The following RASAL2 variants were observed in gnomAD, a reference collection of about 807,000 sequenced individuals.
RASAL2 encodes the protein RAS protein activator like 2.
Under a neutral mutation model 128.9 loss-of-function variants are expected in RASAL2, and 58 were observed. The observed-to-expected ratio is 0.45, with a 90% CI of 0.36 to 0.56. The LOEUF is 0.56. Among genes scored for constraint, RASAL2 ranks in the 20% least tolerant of loss-of-function variants. The pLI is 0.00. For synonymous variants in RASAL2, 561 were observed against 580.8 expected, an observed-to-expected ratio of 0.97 and a Z score of 0.49; for missense variants, 1,360 against 1,601.6, an observed-to-expected ratio of 0.85 and a Z score of 2.57.
At chr1:178,142,069 C>T (rs1660552814) in intron 1 of RASAL2, among the ~76,000 whole-genome samples, 1 of 152,060 alleles carries the variant, frequency 6.6e-6, no homozygotes, top group African/African-American at 2.4e-5. Context: ...AAGGGAGGGC[C>T]ACGAGGATCT....
chr1:178,143,843 G>A (rs1172753309), intron 1 of RASAL2, among the ~76,000 whole-genome samples: 1 of 151,498 alleles, frequency 6.6e-6, no homozygotes, highest in Non-Finnish European at 1.5e-5. Flanking sequence ...AACCTGAAAT[G>A]GAGGCAGTCA....
intron 1 of RASAL2, among the ~76,000 whole-genome samples, chr1:178,151,302 G>C (rs1258242463): frequency 1.3e-5 from 2 of 152,108 alleles, no homozygotes; most frequent in African/African-American, 4.8e-5. Context: ...GCTACTCAGA[G>C]ACTGAGTCAG....
chr1:178,406,204 G>A (rs564766580), intron 4 of RASAL2, among the ~76,000 whole-genome samples: 5 of 152,142 alleles, frequency 3.3e-5, no homozygotes, highest in Admixed American at 1.3e-4. Context: ...TAACTCGAAC[G>A]TCCATGAGTT....
Position 178,458,294 on chromosome 1 carries a change from C to T in RASAL2, c.3002C>T (p.Pro1001Leu). The change falls in exon 14 of 18, where the codon CCA becomes CTA. Residue 1001 changes from proline (P) to leucine (L), a missense_variant. Transcript: ENST00000367649. ...GATAGACACATACCTCTTGCTTTGC[C>T]ACGACAAAATAGTACTGGGCAGGCC... is the stretch of plus-strand genomic sequence containing the variant. ...VPDRHIPLAL[P>L]RQNSTGQAQI... 1 of 1,614,228 alleles carries T rather than the reference C, an allele frequency of 6.2e-7. No individual in the cohort carries two copies. Among genetic ancestry groups the T allele is most frequent in the South Asian group, 1.1e-5 (1 of 91,080 alleles).
chr1:178,113,274 A>G (rs901169235), intron 1 of RASAL2, among the ~76,000 whole-genome samples: 2 of 149,014 alleles, frequency 1.3e-5, no homozygotes, highest in Non-Finnish European at 3.0e-5. Flanking sequence ...GAGATATACA[A>G]CCCTGACTTT....
At chr1:178,254,622 A>C (rs1665231864) in intron 1 of RASAL2, among the ~76,000 whole-genome samples, 1 of 152,210 alleles carries the variant, frequency 6.6e-6, no homozygotes, top group African/African-American at 2.4e-5. Context: ...GAGCTCACTG[A>C]GACTGTTGCA....
At chr1:178,128,822 G>A (rs1355401417) in intron 1 of RASAL2, among the ~76,000 whole-genome samples, 1 of 151,924 alleles carries the variant, frequency 6.6e-6, no homozygotes, top group African/African-American at 2.4e-5. Context: ...TCACCATGGT[G>A]TTTTCAGGGT....
In RASAL2 at chr1:178,458,506, C is replaced by A. The variant is rs1365005544; in HGVS notation, c.3214C>A (p.Pro1072Thr). ...CTCTTCCTCCAGAGAGAGCCCTGTT[C>A]CCAAAGTTAGAGCAATCCAGAGACA... is the stretch of plus-strand genomic sequence containing the variant. ...QSSSSRESPV[P>T]KVRAIQRQQT... The change falls in exon 14 of 18, where the codon CCC becomes ACC. Residue 1072 changes from proline (P) to threonine (T), a missense_variant. Pro to Thr is a conservative substitution (Grantham distance 38, BLOSUM62 -1). This residue lies in a region of RASAL2 where 741 missense variants were observed against 868.6 expected (regional missense o/e 0.85). Coordinates refer to ENST00000367649, the MANE Select transcript of RASAL2 (RefSeq NM_170692.4). The A allele has an allele frequency of 6.2e-7, 1 of 1,613,280 alleles. No individual in the cohort carries two copies. The highest frequency in any genetic ancestry group is 8.5e-7 in the Non-Finnish European group (1 of 1,179,622).
intron 5 of RASAL2, among the ~76,000 whole-genome samples, chr1:178,431,850 G>T (rs1675927967): frequency 1.3e-5 from 2 of 149,358 alleles, no homozygotes; most frequent in African/African-American, 4.9e-5. Flanking sequence ...AGACATATAT[G>T]TTTGTATTTA....
chr1:178,126,895 T>C (rs983529579), intron 1 of RASAL2, among the ~76,000 whole-genome samples: 18 of 152,346 alleles, frequency 1.2e-4, no homozygotes, highest in African/African-American at 4.3e-4. Flanking sequence ...GCCTCATGAC[T>C]TCTCTGAGTA....
At chr1:178,270,340 T>C (rs918379573) in intron 1 of RASAL2, among the ~76,000 whole-genome samples, 1 of 152,120 alleles carries the variant, frequency 6.6e-6, no homozygotes. Flanking sequence ...CCCTCCTAGA[T>C]TGGTTTCTCA....
At chr1:178,163,271 C>T (rs370223782) in intron 1 of RASAL2, among the ~76,000 whole-genome samples, 1 of 152,066 alleles carries the variant, frequency 6.6e-6, no homozygotes, top group Non-Finnish European at 1.5e-5. Flanking sequence ...TTTCTTTACA[C>T]TTTCTTGATG....
chr1:178,248,649 A>T (rs528644224), intron 1 of RASAL2, among the ~76,000 whole-genome samples: 1 of 151,950 alleles, frequency 6.6e-6, no homozygotes, highest in Non-Finnish European at 1.5e-5. Flanking sequence ...GCTGTTCTTT[A>T]TATTTTGTTA....
intron 3 of RASAL2, among the ~76,000 whole-genome samples, chr1:178,356,962 T>TC (rs1304738780): frequency 6.6e-6 from 1 of 152,210 alleles, no homozygotes; most frequent in African/African-American, 2.4e-5. Flanking sequence ...ATTTATCTGT[T>TC]CCCCTCCTTT....
intron 1 of RASAL2, among the ~76,000 whole-genome samples, chr1:178,138,832 A>G (rs1660427353): frequency 1.3e-5 from 2 of 152,252 alleles, no homozygotes; most frequent in South Asian, 4.2e-4. Context: ...CAATTTATAT[A>G]TATAAGGTAG....
intron 5 of RASAL2, among the ~76,000 whole-genome samples, chr1:178,438,141 TGTGG>T (rs988438410): frequency 6.1e-5 from 9 of 147,416 alleles, no homozygotes; most frequent in Non-Finnish European, 9.0e-5. Flanking sequence ...TGTGTGTGTG[TGTGG>T]AAAGAAGAAG....
chr1:178,461,240 GT>G (rs1678174733), intron 14 of RASAL2, among the ~76,000 whole-genome samples: 1 of 152,270 alleles, frequency 6.6e-6, no homozygotes, highest in East Asian at 1.9e-4. Flanking sequence ...TGCAAATTGT[GT>G]TGGGGAATTC....
chr1:178,377,534 A>G (rs990151012), intron 3 of RASAL2, among the ~76,000 whole-genome samples: 8 of 152,182 alleles, frequency 5.3e-5, no homozygotes, highest in East Asian at 1.9e-4. Flanking sequence ...CCAAGGGTCT[A>G]ACAAAGTAAA....
chr1:178,115,556 G>A (rs1319234835), intron 1 of RASAL2, among the ~76,000 whole-genome samples: 2 of 152,358 alleles, frequency 1.3e-5, no homozygotes, highest in Admixed American at 1.3e-4. Flanking sequence ...AGGTTCTGGT[G>A]TTAGCCAGCA....
Sources: allele counts gnomAD v4.1 joint callset (sites outside exome capture counted in the v4.1 genomes callset), GRCh38; gene constraint gnomAD v4.1.1; regional missense constraint gnomAD v4.1.1; transcripts MANE v1.5; gene names NCBI Gene and HGNC (gene_info 2026-07-23, HGNC 2026-07-21).